The following TMED3 variants were observed in gnomAD, a reference collection of about 807,000 sequenced individuals.
TMED3 encodes the protein transmembrane p24 trafficking protein 3.
Under a neutral mutation model 15.0 loss-of-function variants are expected in TMED3, and 9 were observed. The ratio of observed to expected loss-of-function variants is 0.60; its 90% CI spans 0.36 to 1.04. The LOEUF is 1.04. Among genes scored for constraint, TMED3 ranks in the 50% least tolerant of loss-of-function variants. The pLI, the probability that TMED3 is intolerant of heterozygous loss-of-function variation, is 0.01. For synonymous variants in TMED3, 117 were observed against 121.4 expected, an observed-to-expected ratio of 0.96 and a Z score of 0.24; for missense variants, 267 against 278.9, an observed-to-expected ratio of 0.96 and a Z score of 0.30.
At chr15:79,407,175 A>G (rs1402048532) in intron 2 of TMED3, among the ~76,000 whole-genome samples, 1 of 152,090 alleles carries the variant, frequency 6.6e-6, no homozygotes, top group Non-Finnish European at 1.5e-5. Flanking sequence ...TCTCAACTTC[A>G]TTTGCTGAAG....
At chr15:79,358,273 C>A (rs931981821) in intron 2 of TMED3, among the ~76,000 whole-genome samples, 1 of 152,230 alleles carries the variant, frequency 6.6e-6, no homozygotes, top group South Asian at 2.1e-4. Context: ...AAGCAGACAG[C>A]TGCAAGGTCA....
Position 79,357,464 on chromosome 15 carries a change from CAAAA to C in TMED3, c.417+43477_417+43480del, listed in dbSNP as rs59897659. On this transcript the variant is annotated intron_variant, in intron 2 of 2. Coordinates refer to the TMED3 transcript ENST00000424155. Reference sequence around the variant, plus strand: ...TGTGCCACTGCACTCCACCCTGCCTCAAAAAAAAAAAAAAAAAAAAAGCAAGCAC... The same window carrying C: ...TGTGCCACTGCACTCCACCCTGCCTCAAAAAAAAAAAAAAAAAGCAAGCAC... Among the ~76,000 whole-genome samples the C allele has an allele frequency of 6.0e-3, 524 of 87,704 alleles. 4 individuals are homozygous for C. Among genetic ancestry groups the C allele is most frequent in the African/African-American group, 0.016 (370 of 23,614 alleles). 57.5% of individuals were successfully genotyped at this position (87,704 alleles called of 152,430 possible).
At chr15:79,367,328 A>G (rs1893255669) in intron 2 of TMED3, among the ~76,000 whole-genome samples, 1 of 150,090 alleles carries the variant, frequency 6.7e-6, no homozygotes, top group Non-Finnish European at 1.5e-5. Flanking sequence ...CACCTGGTGC[A>G]GTAGGACCAG....
chr15:79,376,891 C>G (rs1185014981), intron 2 of TMED3, among the ~76,000 whole-genome samples: 1 of 152,048 alleles, frequency 6.6e-6, no homozygotes, highest in African/African-American at 2.4e-5. Context: ...TTCAAATAGC[C>G]TCAGGTAACA....
At chr15:79,394,874 C>T (rs1273452817) in intron 2 of TMED3, among the ~76,000 whole-genome samples, 1 of 152,206 alleles carries the variant, frequency 6.6e-6, no homozygotes, top group Non-Finnish European at 1.5e-5. Flanking sequence ...AGTACCCTCT[C>T]TTCTTCCCCA....
At chr15:79,337,644 T>C (rs1266394937) in intron 2 of TMED3, among the ~76,000 whole-genome samples, 1 of 152,188 alleles carries the variant, frequency 6.6e-6, no homozygotes, top group Non-Finnish European at 1.5e-5. Flanking sequence ...CTGATCTCTT[T>C]TATAAGATAT....
At chr15:79,393,834 C>T (rs139690609) in intron 2 of TMED3, among the ~76,000 whole-genome samples, 17 of 152,194 alleles carry the variant, frequency 1.1e-4, no homozygotes, top group African/African-American at 3.9e-4. Context: ...TATCTGGGAC[C>T]GCAGGTGCAT....
At chr15:79,327,424 A>AT (rs756003328), downstream of TMED3, among the ~76,000 whole-genome samples, 5 of 152,246 alleles carry the variant, frequency 3.3e-5, no homozygotes, top group Non-Finnish European at 7.3e-5. Context: ...AAAACTCTAG[A>AT]AAACAGGGAT....
At chr15:79,327,990 A>G (rs571823838) in intron 2 of TMED3, among the ~76,000 whole-genome samples, 76 of 152,322 alleles carry the variant, frequency 5.0e-4, no homozygotes, top group African/African-American at 1.8e-3. Context: ...ACAAAAGTAA[A>G]TATAATATAG....
At chr15:79,369,848 A>G (rs2141244666) in intron 2 of TMED3, among the ~76,000 whole-genome samples, 1 of 152,306 alleles carries the variant, frequency 6.6e-6, no homozygotes, top group Admixed American at 6.5e-5. Flanking sequence ...TCTCAGAAGG[A>G]AGGGCGATCC....
chr15:79,348,155 T>C (rs1200727609), intron 2 of TMED3, among the ~76,000 whole-genome samples: 1 of 152,126 alleles, frequency 6.6e-6, no homozygotes, highest in Non-Finnish European at 1.5e-5. Context: ...TAACCCTCAC[T>C]CTAACCCCTG....
downstream of TMED3, chr15:79,322,932 T>G (rs896544770): frequency 4.5e-5 from 44 of 974,154 alleles, no homozygotes; most frequent in Non-Finnish European, 4.9e-5. Context: ...GAATGTGACA[T>G]AGAGTACCTA....
chr15:79,358,264 A>C (rs1220879273), intron 2 of TMED3, among the ~76,000 whole-genome samples: 1 of 152,254 alleles, frequency 6.6e-6, no homozygotes, highest in African/African-American at 2.4e-5. Context: ...AGCCAGGAGA[A>C]GCAGACAGCT....
chr15:79,366,682 G>A (rs1180861393), intron 2 of TMED3, among the ~76,000 whole-genome samples: 1 of 152,144 alleles, frequency 6.6e-6, no homozygotes, highest in African/African-American at 2.4e-5. Context: ...CACATCTTTG[G>A]AAAAGCTGGC....
At chr15:79,380,776 C>G (rs1334994636) in intron 2 of TMED3, among the ~76,000 whole-genome samples, 1 of 151,950 alleles carries the variant, frequency 6.6e-6, no homozygotes, top group South Asian at 2.1e-4. Context: ...ACATAGGCTC[C>G]GATGTCTCAC....
chr15:79,371,634 G>C (rs1288272504), intron 2 of TMED3, among the ~76,000 whole-genome samples: 1 of 152,168 alleles, frequency 6.6e-6, no homozygotes, highest in Non-Finnish European at 1.5e-5. Flanking sequence ...GAAACCACAG[G>C]GGTATCTAAA....
At chr15:79,326,560 T>G (rs971744439), downstream of TMED3, among the ~76,000 whole-genome samples, 1 of 152,204 alleles carries the variant, frequency 6.6e-6, no homozygotes, top group Non-Finnish European at 1.5e-5. Context: ...GCCCAACCTT[T>G]GTAAATATTT....
rs369067846 is a variant in TMED3, at chr15:79,322,099, C to G, written c.539C>G (p.Ser180Cys). ...GCAGAAGACCTTAATAGCCGAGTCT[C>G]TTACTGGTCTGTTGGCGAGACGATT... Reference protein sequence around the residue: ...ARAEDLNSRVSYWSVGETIAL... With the variant: ...ARAEDLNSRVCYWSVGETIAL... Residue 180 changes from serine to cysteine, a missense_variant, in exon 3 of 3, where the codon TCT (serine) becomes TGT (cysteine). Around this residue, in one of 3 missense-constraint regions of TMED3, gnomAD observed 139 missense variants for 125.0 expected, o/e 1.11. Transcript: ENST00000299705. 1 of 1,614,244 alleles carries G rather than the reference C, an allele frequency of 6.2e-7. No individual in the cohort carries two copies. Among genetic ancestry groups the G allele is most frequent in the Non-Finnish European group, 8.5e-7 (1 of 1,180,048 alleles).
chr15:79,343,164 C>T lies in TMED3; in HGVS notation c.417+29159C>T, dbSNP rs555162708. On this transcript the variant is annotated intron_variant, in intron 2 of 2. Coordinates refer to the TMED3 transcript ENST00000424155. ...GGTTAAAAAGTGAAGTTCAAGGTAC[C>T]CAGGAGCCAGCTCACAGAAAGCTTT... is the stretch of plus-strand genomic sequence containing the variant. Among the ~76,000 whole-genome samples, 13 of 152,162 alleles carry T rather than the reference C, an allele frequency of 8.5e-5. No individual in the cohort carries two copies. In the South Asian group the frequency reaches 2.7e-3, roughly 32 times the overall value.
Sources: gnomAD v4.1 joint callset for allele counts (sites outside exome capture counted in the v4.1 genomes callset) on GRCh38, gnomAD v4.1.1 for gene constraint, gnomAD v4.1.1 regional missense constraint, MANE v1.5 for transcripts, NCBI Gene and HGNC (gene_info 2026-07-23, HGNC 2026-07-21) for gene names.